ARSG: variants seen among roughly 807,000 people sequenced by gnomAD.
The protein encoded by ARSG is ASG.
A neutral mutation model predicts 50.5 loss-of-function variants in ARSG; 37 were observed. The ratio of observed to expected loss-of-function variants is 0.73; its 90% CI spans 0.56 to 0.96. The LOEUF (loss-of-function observed/expected upper bound fraction) is 0.96, where lower values mean the gene tolerates loss of function less well. Among genes scored for constraint, ARSG ranks in the 50% least tolerant of loss-of-function variants. ARSG has a pLI of 0.00. For missense variants in ARSG, 629 were observed against 675.3 expected, an observed-to-expected ratio of 0.93 and a Z score of 0.76; for synonymous variants, 225 against 254.6, an observed-to-expected ratio of 0.88 and a Z score of 1.11.
chr17:68,433,778 T>TTTG, the ARSG span, among the ~76,000 whole-genome samples: 2 of 65,802 alleles, frequency 3.0e-5, no homozygotes, highest in African/African-American at 9.3e-5. Context: ...TTTTTTTTTT[T>TTTG]TTTTTTTTTT....
At chr17:68,300,317 C>A (rs145501798) in intron 1 of ARSG, among the ~76,000 whole-genome samples, 2 of 152,234 alleles carry the variant, frequency 1.3e-5, no homozygotes, top group African/African-American at 4.8e-5. Flanking sequence ...GAGAGCCAGC[C>A]TGACCATGTG....
chr17:68,356,316 G>A (rs2146482668), intron 5 of ARSG, among the ~76,000 whole-genome samples: 1 of 152,296 alleles, frequency 6.6e-6, no homozygotes, highest in East Asian at 1.9e-4. Context: ...GCCAGCAATG[G>A]GGCTACTGAT....
chr17:68,431,178 C>T, the ARSG span, among the ~76,000 whole-genome samples: 4 of 152,160 alleles, frequency 2.6e-5, no homozygotes, highest in Non-Finnish European at 4.4e-5. Flanking sequence ...AGAAAAACCA[C>T]GTGAGCAGTT....
intron 2 of ARSG, among the ~76,000 whole-genome samples, chr17:68,308,940 G>T (rs533238895): frequency 2.0e-5 from 3 of 152,380 alleles, no homozygotes; most frequent in Non-Finnish European, 4.4e-5. Context: ...GTGGTCGATG[G>T]GACTGGGCGC....
At chr17:68,393,781 C>T (rs143881204) in intron 9 of ARSG, among the ~76,000 whole-genome samples, 28 of 150,680 alleles carry the variant, frequency 1.9e-4, no homozygotes, top group African/African-American at 6.6e-4. Context: ...GCAGGAGAAT[C>T]GCTTGAACCC....
rs181912174 is a variant in ARSG at position 68,315,426 on chromosome 17, C to T, written c.218+7715C>T. Among the ~76,000 whole-genome samples, 630 of 151,890 alleles carry T rather than the reference C, an allele frequency of 4.1e-3. 8 individuals carry two copies. The highest frequency in any genetic ancestry group is 0.015 in the African/African-American group (609 of 41,394). Reference sequence around the variant, plus strand: ...GGCGTGGTCCTACCTACTCCGGAGGCGGAGTCAGGAGGATTGCTTGAGCCC... The same window carrying T: ...GGCGTGGTCCTACCTACTCCGGAGGTGGAGTCAGGAGGATTGCTTGAGCCC... On this transcript the variant is annotated intron_variant, in intron 2 of 11. Coordinates refer to ENST00000621439, the MANE Select transcript of ARSG (RefSeq NM_001267727.2).
rs2146953101 is a variant in ARSG at position 68,381,144 on chromosome 17, A to T, written c.983-3920A>T. On this transcript the variant is annotated intron_variant, in intron 8 of 11. Transcript: ENST00000621439. This position sits in a 1 kb window ranked among gnomAD's most constrained non-coding sequence, Gnocchi z 4.1. ...TGCATTGCCTTTCTGACTCAGTGAA[A>T]CATGGCCCTTGGGTCCCAGCCAAGA... Among the ~76,000 whole-genome samples the T allele has an allele frequency of 6.6e-6, 1 of 152,250 alleles. No homozygotes were observed. The highest frequency in any genetic ancestry group is 1.5e-5 in the Non-Finnish European group (1 of 68,014).
chr17:68,423,830 T>C (rs2147696381), downstream of ARSG, among the ~76,000 whole-genome samples: 1 of 152,324 alleles, frequency 6.6e-6, no homozygotes, highest in East Asian at 1.9e-4. The surrounding 1 kb of genome is among the most constrained non-coding windows in gnomAD (Gnocchi z 4.4). Flanking sequence ...AATATCCACA[T>C]TACCCCAATT....
chr17:68,326,068 G>T (rs892802740), intron 2 of ARSG, among the ~76,000 whole-genome samples: 14 of 152,188 alleles, frequency 9.2e-5, no homozygotes, highest in African/African-American at 2.9e-4. Flanking sequence ...ATACCCTAGG[G>T]CAGTGACAAG....
chr17:68,356,554 T>C (rs1404487387), intron 5 of ARSG, 113 bp from the exon 6 acceptor site: 10 of 1,265,012 alleles, frequency 7.9e-6, no homozygotes, highest in African/African-American at 7.5e-5. Flanking sequence ...GAAAAATCAT[T>C]TGGGGCCAGA....
At chr17:68,397,825 G>A (rs376455459) in intron 10 of ARSG, among the ~76,000 whole-genome samples, 4 of 151,936 alleles carry the variant, frequency 2.6e-5, no homozygotes, top group Admixed American at 6.6e-5. Context: ...GGAGTGCAGC[G>A]GCACAATCTT....
At chr17:68,377,318 G>A (rs2080199807) in intron 8 of ARSG, among the ~76,000 whole-genome samples, 1 of 152,302 alleles carries the variant, frequency 6.6e-6, no homozygotes. Flanking sequence ...CTGCTCTCAC[G>A]CACACCTTGT....
chr17:68,360,172 G>T (rs1236549480), intron 6 of ARSG, among the ~76,000 whole-genome samples: 2 of 152,182 alleles, frequency 1.3e-5, no homozygotes, highest in Admixed American at 1.3e-4. Context: ...TACAAAAAAG[G>T]GGAACAGTTT....
chr17:68,357,881 T>C (rs2079103606), intron 6 of ARSG, among the ~76,000 whole-genome samples: 1 of 152,132 alleles, frequency 6.6e-6, no homozygotes, highest in Non-Finnish European at 1.5e-5. Context: ...TTATGTGAAA[T>C]CTCCTGATCT....
chr17:68,272,524 C>G, intron 1 of ARSG: 2 of 1,215,898 alleles, frequency 1.6e-6, no homozygotes, highest in South Asian at 1.5e-5. Flanking sequence ...TAAATAACGT[C>G]TCATTACACA....
chr17:68,446,279 C>T, the ARSG span, among the ~76,000 whole-genome samples: 2 of 151,996 alleles, frequency 1.3e-5, no homozygotes, highest in Admixed American at 1.3e-4. Context: ...CTCTGGGGCT[C>T]AGTCCATTTT....
rs527670529 is a variant in ARSG at position 68,399,454 on chromosome 17, T to C, written c.1213-1906T>C. On this transcript the variant is annotated intron_variant, in intron 10 of 11. Coordinates refer to ENST00000621439, the MANE Select transcript of ARSG (RefSeq NM_001267727.2). This position sits in a 1 kb window ranked among gnomAD's most constrained non-coding sequence, Gnocchi z 4.6. Reference sequence around the variant, plus strand: ...AGGCCACCAGGAAGGCAAAACAAGTTTGCAGAAGATAAAGTCATCTTTGAA... The same window carrying C: ...AGGCCACCAGGAAGGCAAAACAAGTCTGCAGAAGATAAAGTCATCTTTGAA... Among the ~76,000 whole-genome samples the C allele has an allele frequency of 4.3e-4, 65 of 152,336 alleles. No homozygotes were observed. The highest frequency in any genetic ancestry group is 1.4e-3 in the African/African-American group (57 of 41,578).
chr17:68,433,785 TTTTTTTTTTTTTTG>T, the ARSG span, among the ~76,000 whole-genome samples: 1 of 88,268 alleles, frequency 1.1e-5, no homozygotes, highest in African/African-American at 3.9e-5. Context: ...TTTTTTTTTT[TTTTTTTTTTTTTTG>T]AGACAGAGTC....
chr17:68,290,647 G>A (rs1555755466), upstream of ARSG, among the ~76,000 whole-genome samples: 1 of 152,248 alleles, frequency 6.6e-6, no homozygotes. Flanking sequence ...CGGCCTGCGT[G>A]CGCGCGCCAG....
Sources: allele counts gnomAD v4.1 joint callset (sites outside exome capture counted in the v4.1 genomes callset), GRCh38; gene constraint gnomAD v4.1.1; non-coding constraint Gnocchi (gnomAD v3.1); transcripts MANE v1.5; gene names NCBI Gene and HGNC (gene_info 2026-07-23, HGNC 2026-07-21).